The following TMEM18 variants were observed in gnomAD, a reference collection of about 807,000 sequenced individuals.
The protein encoded by TMEM18 is transmembrane protein 18.
A neutral mutation model predicts 17.4 loss-of-function variants in TMEM18; 14 were observed. The ratio of observed to expected loss-of-function variants is 0.80; its 90% CI spans 0.53 to 1.25. TMEM18 has a LOEUF of 1.25. Among genes scored for constraint, TMEM18 ranks in the 50% most tolerant of loss-of-function variants. The pLI is 0.00. For missense variants in TMEM18, 187 were observed against 172.1 expected, an observed-to-expected ratio of 1.09 and a Z score of -0.48; for synonymous variants, 86 against 66.1, an observed-to-expected ratio of 1.30 and a Z score of -1.46.
At chr2:673,278 C>G (rs1170959651) in intron 2 of TMEM18, among the ~76,000 whole-genome samples, 1 of 152,210 alleles carries the variant, frequency 6.6e-6, no homozygotes, top group Non-Finnish European at 1.5e-5. Context: ...TTTTCACGCT[C>G]ACACTTCCCG....
At position 669,631 on chromosome 2, in the gene TMEM18, C is replaced by G. The variant is rs1305735073; in HGVS notation, c.372G>C (p.Lys124Asn). Residue 124 changes from lysine (K) to asparagine (N), a missense_variant, in exon 5 of 5, where the codon AAG becomes AAC. Transcript: ENST00000281017. ...WKTLNVMTDL[K>N]NAQERRKEKK... ...TTTCCTTTCTTCTCTCTTGTGCATT[C>G]TTCAGGTCAGTCATCACATTCAAAG... 6.2e-7 allele frequency: 1 copy of G among 1,614,068 alleles called. No individual in the cohort carries two copies. The highest frequency in any genetic ancestry group is 1.3e-5 in the African/African-American group (1 of 74,926).
Position 666,183 on chromosome 2 carries a change from G to A in TMEM18, c.*3397C>T, listed in dbSNP as rs1321103865. Among the ~76,000 whole-genome samples the A allele has an allele frequency of 1.3e-5, 2 of 152,226 alleles. No homozygotes were observed. Among genetic ancestry groups the A allele is most frequent in the Admixed American group, 6.5e-5 (1 of 15,280 alleles). On this transcript the variant is annotated 3_prime_UTR_variant, in exon 5 of 5. Transcript: ENST00000281017. ...CAGATGGAGCAGGAGCTGCTGAAGG[G>A]TGTTTTGGCCCAGGACTGGAGCAGA...
chr2:675,228 C>T (rs1678966700), intron 2 of TMEM18, among the ~76,000 whole-genome samples: 1 of 152,216 alleles, frequency 6.6e-6, no homozygotes, highest in Non-Finnish European at 1.5e-5. Context: ...GTGTAAAAGA[C>T]AGCACTTCCG....
At chr2:675,651 A>T in intron 1 of TMEM18, 21 bp from the exon 2 acceptor site, 1 of 1,611,862 alleles carries the variant, frequency 6.2e-7, no homozygotes, top group Non-Finnish European at 8.5e-7. Context: ...ACACCAGCAG[A>T]CACTCACTGT....
Position 665,816 on chromosome 2 carries a change from T to A in TMEM18, c.*3764A>T, listed in dbSNP as rs1220262202. Among the ~76,000 whole-genome samples the A allele has an allele frequency of 1.3e-5, 2 of 150,014 alleles. No individual in the cohort carries two copies. Among genetic ancestry groups the A allele is most frequent in the African/African-American group, 2.5e-5 (1 of 40,462 alleles). ...ATGCCCCACTCACTCAGATGCAGCA[T>A]CAACCCCACACACAACAGGACACAG... is the stretch of plus-strand genomic sequence containing the variant. On this transcript the variant is annotated 3_prime_UTR_variant, in exon 5 of 5. Coordinates refer to ENST00000281017, the MANE Select transcript of TMEM18 (RefSeq NM_152834.4).
rs200690920 is a variant in TMEM18, at chr2:677,378, C to G, written c.-33G>C. 2 of 1,606,488 alleles carry G rather than the reference C, an allele frequency of 1.2e-6. No individual in the cohort carries two copies. Among genetic ancestry groups the G allele is most frequent in the African/African-American group, 2.7e-5 (2 of 74,932 alleles). On this transcript the variant is annotated 5_prime_UTR_variant, in exon 1 of 5. Coordinates refer to ENST00000281017, the MANE Select transcript of TMEM18 (RefSeq NM_152834.4). ...GGAAGCCCGCTCTCACAGCAACCGC[C>G]GAACCCGGCCTGGCCAGAATCCACA... is the stretch of plus-strand genomic sequence containing the variant.
At chr2:675,816 G>C (rs1397842409) in intron 1 of TMEM18, 186 bp from the exon 2 acceptor site, 4 of 1,528,954 alleles carry the variant, frequency 2.6e-6, no homozygotes, top group Admixed American at 3.9e-5. Context: ...AAAGGGAGAA[G>C]GAACCAGGAG....
At chr2:673,922 G>A (rs887295956) in intron 2 of TMEM18, among the ~76,000 whole-genome samples, 17 of 151,920 alleles carry the variant, frequency 1.1e-4, no homozygotes, top group Non-Finnish European at 2.2e-4. Context: ...AGGGTGGTAG[G>A]CACGGGAGGA....
chr2:672,734 G>C lies in TMEM18; in HGVS notation c.233+74C>G, dbSNP rs866761863. On this transcript the variant is annotated intron_variant, in intron 3 of 4. Transcript: ENST00000281017. ...TTAGGATTCACTGTCTCCTCCGCGA[G>C]TCCCACCGGCTGTGGGGCCATTCCC... is the stretch of plus-strand genomic sequence containing the variant. The C allele has an allele frequency of 6.6e-5, 88 of 1,323,886 alleles. No individual in the cohort carries two copies. The Middle Eastern group carries it at 2.7e-3, about 41-fold the overall frequency. 82.0% of individuals were successfully genotyped at this position (1,323,886 alleles called of 1,614,324 possible).
rs1483336314 is a variant in TMEM18 at position 664,199 on chromosome 2, T to C, written c.*5381A>G. ...AAGGATGGCACAATGTGTTTGTCGT[T>C]GTAACTTGTTTAAACTAACTTCACT... On this transcript the variant is annotated 3_prime_UTR_variant, in exon 5 of 5. Coordinates refer to ENST00000281017, the MANE Select transcript of TMEM18 (RefSeq NM_152834.4). Among the ~76,000 whole-genome samples, 1 of 152,246 alleles carries C rather than the reference T, an allele frequency of 6.6e-6. No individual in the cohort carries two copies. Among genetic ancestry groups the C allele is most frequent in the Non-Finnish European group, 1.5e-5 (1 of 68,034 alleles).
In TMEM18 at chr2:666,264, G is replaced by A. The variant is rs534810277; in HGVS notation, c.*3316C>T. On this transcript the variant is annotated 3_prime_UTR_variant, in exon 5 of 5. Transcript: ENST00000281017. ...CCCTATGGCCACATGCTTGGACTTA[G>A]GCCTCTGCTTGGCTGCCTGAAGGCT... is the stretch of plus-strand genomic sequence containing the variant. 6.6e-6 allele frequency among the ~76,000 whole-genome samples: 1 copy of A among 152,202 alleles called. No homozygotes were observed. Among genetic ancestry groups the A allele is most frequent in the Non-Finnish European group, 1.5e-5 (1 of 68,044 alleles).
chr2:666,795 A>G lies in TMEM18; in HGVS notation c.*2785T>C, dbSNP rs1678702440. On this transcript the variant is annotated 3_prime_UTR_variant, in exon 5 of 5. Coordinates refer to ENST00000281017, the MANE Select transcript of TMEM18 (RefSeq NM_152834.4). Reference sequence around the variant, plus strand: ...GTCGACCAGCAAGAGGGGCTTCAGTAAAGAGGGGAAGGCTGCACTGAAAAC... The same window carrying G: ...GTCGACCAGCAAGAGGGGCTTCAGTGAAGAGGGGAAGGCTGCACTGAAAAC... 6.6e-6 allele frequency among the ~76,000 whole-genome samples: 1 copy of G among 152,104 alleles called. No individual in the cohort carries two copies. Among genetic ancestry groups the G allele is most frequent in the South Asian group, 2.1e-4 (1 of 4,828 alleles).
intron 1 of TMEM18, chr2:676,576 G>A (rs1396422530): frequency 1.3e-6 from 2 of 1,550,376 alleles, no homozygotes; most frequent in Non-Finnish European, 8.7e-7. Flanking sequence ...GCACCCACCA[G>A]AAGACCAGAG....
rs1166188668 is a variant in TMEM18 at position 664,711 on chromosome 2, T to C, written c.*4869A>G. Among the ~76,000 whole-genome samples, 1 of 152,214 alleles carries C rather than the reference T, an allele frequency of 6.6e-6. No homozygotes were observed. The highest frequency in any genetic ancestry group is 1.5e-5 in the Non-Finnish European group (1 of 68,038). On this transcript the variant is annotated 3_prime_UTR_variant, in exon 5 of 5. Transcript: ENST00000281017. ...AATTGATTTAGCAACATTTACCAAC[T>C]GTCACATAAAAGTTATATATGTTGA...
At position 666,129 on chromosome 2, in the gene TMEM18, G is replaced by A. The variant is rs1678682843; in HGVS notation, c.*3451C>T. ...GAAGCATCAACCCCATGCACAACAGGGCCCATGGAGGCTGACATCCAGCTC... is the reference window on the plus strand; with the variant it reads ...GAAGCATCAACCCCATGCACAACAGAGCCCATGGAGGCTGACATCCAGCTC... On this transcript the variant is annotated 3_prime_UTR_variant, in exon 5 of 5. Transcript: ENST00000281017. 6.6e-6 allele frequency among the ~76,000 whole-genome samples: 1 copy of A among 152,198 alleles called. No individual in the cohort carries two copies. The highest frequency in any genetic ancestry group is 6.5e-5 in the Admixed American group (1 of 15,270).
intron 2 of TMEM18, among the ~76,000 whole-genome samples, chr2:673,771 G>A (rs1397053709): frequency 6.7e-6 from 1 of 148,996 alleles, no homozygotes; most frequent in African/African-American, 2.5e-5. Context: ...TGGGGGGGAA[G>A]GAGAGGAAGG....
intron 4 of TMEM18, 21 bp from the exon 5 acceptor site, chr2:669,696 C>T (rs1558179742): frequency 1.9e-6 from 3 of 1,613,898 alleles, no homozygotes; most frequent in South Asian, 1.1e-5. Flanking sequence ...TTGTTTGAGA[C>T]ATGTTTAGAT....
chr2:673,260 C>T (rs946405004), intron 2 of TMEM18, among the ~76,000 whole-genome samples: 4 of 152,226 alleles, frequency 2.6e-5, no homozygotes, highest in African/African-American at 9.6e-5. Context: ...GAGCTGACAA[C>T]CAAGGGCTTT....
At chr2:674,448 T>G (rs961036148) in intron 2 of TMEM18, among the ~76,000 whole-genome samples, 4 of 152,228 alleles carry the variant, frequency 2.6e-5, no homozygotes, top group African/African-American at 7.2e-5. Flanking sequence ...ACTGTGTTTT[T>G]GGCTTTTCCA....
Sources: allele counts gnomAD v4.1 joint callset (sites outside exome capture counted in the v4.1 genomes callset), GRCh38; gene constraint gnomAD v4.1.1; transcripts MANE v1.5; gene names NCBI Gene and HGNC (gene_info 2026-07-23, HGNC 2026-07-21).